ADCY8: variants seen among roughly 807,000 people sequenced by gnomAD.
ADCY8 encodes the protein adenylate cyclase type 8.
In ADCY8, 51 loss-of-function variants were observed where a neutral mutation model predicts 119.7. The ratio of observed to expected loss-of-function variants is 0.43; its 90% confidence interval spans 0.34 to 0.54. The LOEUF (loss-of-function observed/expected upper bound fraction) is 0.54, where lower values mean the gene tolerates loss of function less well. Among genes scored for constraint, ADCY8 ranks in the 20% least tolerant of loss-of-function variants. The pLI is 0.03. For synonymous variants in ADCY8, 665 were observed against 651.0 expected, an observed-to-expected ratio of 1.02 and a Z score of -0.33; for missense variants, 1,383 against 1,598.8, an observed-to-expected ratio of 0.87 and a Z score of 2.30.
At chr8:130,807,351 G>A (rs1434762098) in intron 14 of ADCY8, among the ~76,000 whole-genome samples, 1 of 152,206 alleles carries the variant, frequency 6.6e-6, no homozygotes, top group Non-Finnish European at 1.5e-5. Flanking sequence ...CACCTCCTTA[G>A]AGAGAGCTTC....
intron 3 of ADCY8, 54 bp downstream of exon 3, chr8:130,951,814 C>T (rs1821280108): frequency 1.2e-6 from 2 of 1,602,554 alleles, no homozygotes; most frequent in Admixed American, 1.7e-5. Flanking sequence ...AATGAGAGCA[C>T]CCAAACACAC....
chr8:130,921,920 T>C (rs1035423648), intron 5 of ADCY8, among the ~76,000 whole-genome samples: 4 of 152,244 alleles, frequency 2.6e-5, no homozygotes, highest in African/African-American at 7.2e-5. Context: ...TAAGAGGTGA[T>C]TGGATCATAA....
intron 11 of ADCY8, among the ~76,000 whole-genome samples, chr8:130,845,741 A>T (rs1312415356): frequency 6.6e-6 from 1 of 152,158 alleles, no homozygotes; most frequent in Non-Finnish European, 1.5e-5. Flanking sequence ...CTGCACATCC[A>T]TTAGTAGAGT....
At chr8:130,995,826 T>G (rs970894546) in intron 1 of ADCY8, among the ~76,000 whole-genome samples, 2 of 152,184 alleles carry the variant, frequency 1.3e-5, no homozygotes, top group African/African-American at 4.8e-5. Flanking sequence ...ATATATTATT[T>G]GCTTGCTTGG....
intron 15 of ADCY8, among the ~76,000 whole-genome samples, chr8:130,798,569 G>A (rs1815660886): frequency 6.6e-6 from 1 of 152,162 alleles, no homozygotes; most frequent in Non-Finnish European, 1.5e-5. Context: ...ACCTACTAGA[G>A]TTGATGAAGG....
intron 9 of ADCY8, among the ~76,000 whole-genome samples, chr8:130,852,600 C>A (rs983513325): frequency 6.6e-6 from 1 of 152,152 alleles, no homozygotes; most frequent in Admixed American, 6.5e-5. Flanking sequence ...GAGACAGAAG[C>A]AAACCAGGGA....
chr8:130,941,149 C>G (rs768159209), intron 4 of ADCY8, among the ~76,000 whole-genome samples: 1 of 152,122 alleles, frequency 6.6e-6, no homozygotes, highest in Non-Finnish European at 1.5e-5. Flanking sequence ...GTAAGTAGTA[C>G]GTGAATATAT....
chr8:130,891,891 C>T (rs980589556), intron 7 of ADCY8, among the ~76,000 whole-genome samples: 2 of 152,072 alleles, frequency 1.3e-5, no homozygotes, highest in Non-Finnish European at 2.9e-5. Context: ...TGCAACTTTT[C>T]TTGTCTATAC....
chr8:131,037,787 A>T (rs559529396), intron 1 of ADCY8, among the ~76,000 whole-genome samples: 1 of 152,228 alleles, frequency 6.6e-6, no homozygotes, highest in African/African-American at 2.4e-5. Flanking sequence ...TGGCATGTAG[A>T]TCTTCATGTA....
At chr8:130,949,107 AG>A (rs1461772356) in intron 3 of ADCY8, among the ~76,000 whole-genome samples, 3 of 151,482 alleles carry the variant, frequency 2.0e-5, no homozygotes, top group Non-Finnish European at 4.4e-5. Context: ...CTTCTGGAAA[AG>A]GGTCTCCAGC....
chr8:131,002,550 C>G (rs1822981565), intron 1 of ADCY8, among the ~76,000 whole-genome samples: 1 of 152,004 alleles, frequency 6.6e-6, no homozygotes, highest in Non-Finnish European at 1.5e-5. Flanking sequence ...TTCCTGCCTG[C>G]CCTTTATAAA....
chr8:130,834,142 C>A (rs1041058120), intron 12 of ADCY8, among the ~76,000 whole-genome samples: 1 of 152,106 alleles, frequency 6.6e-6, no homozygotes, highest in African/African-American at 2.4e-5. Flanking sequence ...GTCAAAAAAT[C>A]ATGTTTTATA....
intron 1 of ADCY8, among the ~76,000 whole-genome samples, chr8:131,034,592 G>C (rs1824092735): frequency 6.6e-6 from 1 of 152,104 alleles, no homozygotes; most frequent in African/African-American, 2.4e-5. Context: ...ATGTTGAAAG[G>C]TAGGAAAGAA....
At chr8:130,874,997 G>T (rs572834971) in intron 8 of ADCY8, among the ~76,000 whole-genome samples, 3 of 152,102 alleles carry the variant, frequency 2.0e-5, no homozygotes, top group African/African-American at 4.8e-5. Flanking sequence ...CAGGTCAATG[G>T]CCTCATAATT....
In ADCY8 at chr8:131,040,593, G is replaced by A. The variant is rs922204692; in HGVS notation, c.-260C>T. 16 of 371,992 alleles carry A rather than the reference G, an allele frequency of 4.3e-5. No homozygotes were observed. Among genetic ancestry groups the A allele is most frequent in the Non-Finnish European group, 6.2e-5 (13 of 211,330 alleles). The allele number at this position is 371,992 out of a possible 1,614,324, so 23.0% of individuals were successfully genotyped here. ...CCGCCAGCCGGCGCAGCTTGGGTAC[G>A]CAGCGGCAGTGGCTATTTGTCCTCA... is the stretch of plus-strand genomic sequence containing the variant. On this transcript the variant is annotated 5_prime_UTR_variant, in exon 1 of 18. Coordinates refer to ENST00000286355, the MANE Select transcript of ADCY8 (RefSeq NM_001115.3).
intron 14 of ADCY8, among the ~76,000 whole-genome samples, chr8:130,813,853 T>G (rs1816251864): frequency 6.6e-6 from 1 of 152,150 alleles, no homozygotes; most frequent in Admixed American, 6.5e-5. Flanking sequence ...AAAATTCCAA[T>G]GTAGTCTTTC....
At chr8:130,901,214 A>T (rs546039215) in intron 7 of ADCY8, among the ~76,000 whole-genome samples, 2 of 150,814 alleles carry the variant, frequency 1.3e-5, no homozygotes, top group East Asian at 3.9e-4. Flanking sequence ...CTTTGTCTCT[A>T]AAGTGATTTT....
intron 14 of ADCY8, among the ~76,000 whole-genome samples, chr8:130,801,270 C>G (rs1358961912): frequency 1.3e-5 from 2 of 152,048 alleles, no homozygotes; most frequent in Non-Finnish European, 2.9e-5. Context: ...CTCTATTTCT[C>G]TCAGTGGATG....
chr8:130,873,169 AG>A (rs1340090085), intron 8 of ADCY8, among the ~76,000 whole-genome samples: 1 of 152,156 alleles, frequency 6.6e-6, no homozygotes, highest in Non-Finnish European at 1.5e-5. Context: ...TTCCTAGGTG[AG>A]GGGGAGGAAA....
Sources: allele counts gnomAD v4.1 joint callset (sites outside exome capture counted in the v4.1 genomes callset), GRCh38; gene constraint gnomAD v4.1.1; transcripts MANE v1.5; gene names NCBI Gene and HGNC (gene_info 2026-07-23, HGNC 2026-07-21).